The following TDRP variants were observed in gnomAD, a reference collection of about 807,000 sequenced individuals.
TDRP encodes testis development related protein.
In TDRP, 12 loss-of-function variants were observed where a neutral mutation model predicts 10.5. The ratio of observed to expected loss-of-function variants is 1.15; its 90% CI spans 0.73 to 1.86. The LOEUF (loss-of-function observed/expected upper bound fraction) is 1.86, where lower values mean the gene tolerates loss of function less well. Ranked by LOEUF, TDRP falls within the 40% of genes most tolerant of loss-of-function variation. The pLI is 0.00. For missense variants in TDRP, 353 were observed against 229.2 expected, an observed-to-expected ratio of 1.54 and a Z score of -3.49; for synonymous variants, 139 against 95.4, an observed-to-expected ratio of 1.46 and a Z score of -2.67.
intron 1 of TDRP, among the ~76,000 whole-genome samples, chr8:506,107 A>G (rs1801458340): frequency 6.6e-6 from 1 of 152,106 alleles, no homozygotes; most frequent in Non-Finnish European, 1.5e-5. Context: ...CCACATGAAC[A>G]CTATTTTTTC....
chr8:531,945 G>A (rs548177613), intron 1 of TDRP, among the ~76,000 whole-genome samples: 1 of 152,332 alleles, frequency 6.6e-6, no homozygotes, highest in East Asian at 1.9e-4. Context: ...AGTGGGCCCT[G>A]CGGTGGTTGC....
At chr8:536,600 T>C (rs1296554172) in intron 1 of TDRP, among the ~76,000 whole-genome samples, 1 of 152,206 alleles carries the variant, frequency 6.6e-6, no homozygotes, top group African/African-American at 2.4e-5. Context: ...AAAATACACA[T>C]AGATATGAGA....
chr8:519,264 C>T (rs1801834676), intron 1 of TDRP, among the ~76,000 whole-genome samples: 1 of 152,170 alleles, frequency 6.6e-6, no homozygotes, highest in African/African-American at 2.4e-5. Context: ...CCCATGCCTT[C>T]CCCTTTGCTA....
At chr8:535,857 G>C in intron 1 of TDRP, among the ~76,000 whole-genome samples, 1 of 152,110 alleles carries the variant, frequency 6.6e-6, no homozygotes, top group East Asian at 2.0e-4. Context: ...ACCCGAGGCA[G>C]GTGTGAGTGT....
At chr8:520,993 G>C (rs551084619) in intron 1 of TDRP, among the ~76,000 whole-genome samples, 17 of 152,142 alleles carry the variant, frequency 1.1e-4, no homozygotes, top group African/African-American at 2.9e-4. Context: ...TCATATCCAA[G>C]AAATCATTGC....
Position 494,530 on chromosome 8 carries a change from T to C in TDRP, c.176A>G (p.His59Arg), listed in dbSNP as rs775216869. ...TSLFNKDDEQ[H>R]LLERCKSPKS... is the part of the protein sequence containing the mutation. ...GGGAGATTTACATCTTTCCAGGAGA[T>C]GCTGCTCATCATCTTTGTTAAACAG... Residue 59 changes from histidine (H) to arginine (R), a missense_variant, in exon 2 of 3, where the codon CAT becomes CGT. By Grantham distance (29) the His-to-Arg change is conservative (BLOSUM62 0). Transcript: ENST00000324079. The C allele has an allele frequency of 2.5e-6, 4 of 1,614,006 alleles. No homozygotes were observed. Among genetic ancestry groups the C allele is most frequent in the Non-Finnish European group, 3.4e-6 (4 of 1,179,880 alleles).
At chr8:509,632 T>C (rs1801557147) in intron 1 of TDRP, among the ~76,000 whole-genome samples, 1 of 152,076 alleles carries the variant, frequency 6.6e-6, no homozygotes, top group Admixed American at 6.6e-5. Flanking sequence ...CATTTTTTCC[T>C]CCGGGCCTCC....
chr8:538,826 C>T (rs1290919815), intron 1 of TDRP, among the ~76,000 whole-genome samples: 1 of 152,182 alleles, frequency 6.6e-6, no homozygotes, highest in Admixed American at 6.5e-5. Flanking sequence ...ACTTTTCCCC[C>T]CATCAGATCT....
intron 1 of TDRP, among the ~76,000 whole-genome samples, chr8:523,486 G>C (rs1346154824): frequency 1.3e-5 from 2 of 152,152 alleles, no homozygotes; most frequent in Non-Finnish European, 2.9e-5. Context: ...TATAGCAGCA[G>C]TCAAGCTCCT....
intron 1 of TDRP, among the ~76,000 whole-genome samples, chr8:512,831 G>T (rs912982683): frequency 1.3e-5 from 2 of 148,266 alleles, no homozygotes; most frequent in Admixed American, 6.6e-5. Context: ...AATTAGCTGG[G>T]CATGGTGGCA....
chr8:494,675 G>A (rs1223967364), intron 1 of TDRP, 78 bp from the exon 2 acceptor site: 18 of 1,318,930 alleles, frequency 1.4e-5, no homozygotes, highest in East Asian at 2.3e-5. Flanking sequence ...AATAACCATG[G>A]AGTTGAAATT....
At chr8:507,899 C>G (rs1371820147) in intron 1 of TDRP, among the ~76,000 whole-genome samples, 1 of 152,128 alleles carries the variant, frequency 6.6e-6, no homozygotes. Flanking sequence ...TTCACCTGTA[C>G]TATTTAACTT....
intron 1 of TDRP, among the ~76,000 whole-genome samples, chr8:538,367 G>C (rs1234912975): frequency 6.6e-6 from 1 of 152,214 alleles, no homozygotes; most frequent in East Asian, 1.9e-4. Flanking sequence ...CCTGACTAAA[G>C]CTGGGTCAGA....
At chr8:527,150 T>A (rs1399235878) in intron 1 of TDRP, among the ~76,000 whole-genome samples, 2 of 151,426 alleles carry the variant, frequency 1.3e-5, no homozygotes, top group Non-Finnish European at 2.9e-5. Flanking sequence ...GCAGACAATC[T>A]GAAAAAATAA....
chr8:529,482 T>C (rs1469017705), intron 1 of TDRP, among the ~76,000 whole-genome samples: 1 of 152,250 alleles, frequency 6.6e-6, no homozygotes, highest in Non-Finnish European at 1.5e-5. Flanking sequence ...TCATATACTT[T>C]TATATTGCTA....
intron 1 of TDRP, among the ~76,000 whole-genome samples, chr8:520,889 G>A (rs7009292): frequency 0.51 from 76,668 of 151,806 alleles, 20,212 homozygotes; most frequent in Admixed American, 0.6. Context: ...TCCAAACGTT[G>A]CATTTTTACT....
At chr8:517,177 T>C (rs147469891) in intron 1 of TDRP, among the ~76,000 whole-genome samples, 1 of 152,192 alleles carries the variant, frequency 6.6e-6, no homozygotes, top group Non-Finnish European at 1.5e-5. Flanking sequence ...AGGGACTCTT[T>C]GCATCAGTGA....
chr8:528,233 G>A (rs1221274261), intron 1 of TDRP, among the ~76,000 whole-genome samples: 1 of 152,160 alleles, frequency 6.6e-6, no homozygotes, highest in African/African-American at 2.4e-5. Flanking sequence ...AGTTAAAATG[G>A]CTTTTATCCA....
intron 1 of TDRP, among the ~76,000 whole-genome samples, chr8:541,203 A>G (rs1802486798): frequency 6.6e-6 from 1 of 152,270 alleles, no homozygotes; most frequent in Non-Finnish European, 1.5e-5. Context: ...TAAATTTAGA[A>G]TAAGACTAAT....
Sources: allele counts gnomAD v4.1 joint callset (sites outside exome capture counted in the v4.1 genomes callset), GRCh38; gene constraint gnomAD v4.1.1; transcripts MANE v1.5; gene names NCBI Gene and HGNC (gene_info 2026-07-23, HGNC 2026-07-21).